The following ELMO1 variants were observed in gnomAD, a reference collection of about 807,000 sequenced individuals.
ELMO1 encodes the protein engulfment and cell motility protein 1.
In ELMO1, 26 loss-of-function variants were observed where a neutral mutation model predicts 98.9. The observed-to-expected ratio is 0.26, with a 90% CI of 0.19 to 0.36. The LOEUF (loss-of-function observed/expected upper bound fraction) is 0.36. Among genes scored for constraint, ELMO1 ranks in the 10% least tolerant of loss-of-function variants. The pLI, the probability that ELMO1 is intolerant of heterozygous loss-of-function variation, is 1.00. For synonymous variants in ELMO1, 346 were observed against 346.0 expected, an observed-to-expected ratio of 1.00 and a Z score of 0.00; for missense variants, 627 against 935.2, an observed-to-expected ratio of 0.67 and a Z score of 4.30.
In ELMO1 at chr7:37,086,888, T is replaced by C. The variant is rs1487915979; in HGVS notation, c.1300+9731A>G. Among the ~76,000 whole-genome samples, 5 of 146,194 alleles carry C rather than the reference T, an allele frequency of 3.4e-5. No individual in the cohort carries two copies. In the Admixed American group the frequency reaches 3.4e-4, roughly 10 times the overall value. On this transcript the variant is annotated intron_variant, in intron 15 of 21. Transcript: ENST00000310758. Reference sequence around the variant, plus strand: ...AAGTTTCCATCCTAATTCCCAGTGATACTTTGGAATGTGATATGAGCCTGT... The same window carrying C: ...AAGTTTCCATCCTAATTCCCAGTGACACTTTGGAATGTGATATGAGCCTGT...
intron 7 of ELMO1, among the ~76,000 whole-genome samples, chr7:37,242,231 A>C (rs1794798222): frequency 6.6e-6 from 1 of 152,168 alleles, no homozygotes; most frequent in African/African-American, 2.4e-5. Context: ...TTCTTCTGAC[A>C]TCTTCAACCT....
intron 8 of ELMO1, among the ~76,000 whole-genome samples, chr7:37,230,725 A>G (rs1794126788): frequency 6.6e-6 from 1 of 152,226 alleles, no homozygotes; most frequent in Admixed American, 6.5e-5. Flanking sequence ...GGTAGAAAAG[A>G]AAGCCTGCTG....
chr7:37,016,739 T>A (rs778867197), intron 15 of ELMO1, among the ~76,000 whole-genome samples: 1 of 152,186 alleles, frequency 6.6e-6, no homozygotes, highest in Non-Finnish European at 1.5e-5. Context: ...TAGTCACTTA[T>A]TATGTCAGGC....
intron 14 of ELMO1, among the ~76,000 whole-genome samples, chr7:37,128,828 G>C (rs976944513): frequency 7.9e-5 from 12 of 152,128 alleles, no homozygotes; most frequent in Admixed American, 6.5e-4. Context: ...CCAGGGGCTA[G>C]AATATAAATG....
At chr7:37,448,379 C>T (rs1805744950) in intron 1 of ELMO1, among the ~76,000 whole-genome samples, 1 of 151,466 alleles carries the variant, frequency 6.6e-6, no homozygotes. Context: ...CATCCGCGGG[C>T]GCCGCACCTC....
chr7:36,896,278 T>C (rs1199526740), intron 16 of ELMO1, among the ~76,000 whole-genome samples: 3 of 152,166 alleles, frequency 2.0e-5, no homozygotes, highest in African/African-American at 2.4e-5. Flanking sequence ...AAGTCACATA[T>C]ATGTAGTTGA....
At chr7:37,137,983 T>G (rs1159955932) in intron 13 of ELMO1, among the ~76,000 whole-genome samples, 1 of 152,150 alleles carries the variant, frequency 6.6e-6, no homozygotes, top group Non-Finnish European at 1.5e-5. Context: ...GAATGATCAC[T>G]GGGTCAACAG....
intron 15 of ELMO1, among the ~76,000 whole-genome samples, chr7:37,049,720 A>G (rs1458822302): frequency 6.6e-6 from 1 of 151,776 alleles, no homozygotes; most frequent in Non-Finnish European, 1.5e-5. Flanking sequence ...CAGGTGTTTG[A>G]GAGCTGTAAA....
rs1805912402 is a variant in ELMO1, at chr7:36,895,427, TA to T, written c.1438-411del. On this transcript the variant is annotated intron_variant, in intron 16 of 21. Coordinates refer to ENST00000310758, the MANE Select transcript of ELMO1 (RefSeq NM_014800.11). The stretch of plus-strand genomic sequence containing the variant: ...CAGGAGAAAATCGCTGAGATACAAT[TA>T]ACTGTGGAAGTTTGGCTGGAGCTGG... Among the ~76,000 whole-genome samples the T allele has an allele frequency of 2.0e-5, 3 of 152,308 alleles. No individual in the cohort carries two copies. In the South Asian group the frequency reaches 6.2e-4, roughly 32 times the overall value.
intron 20 of ELMO1, among the ~76,000 whole-genome samples, chr7:36,868,697 T>C (rs963235164): frequency 6.6e-6 from 1 of 152,188 alleles, no homozygotes; most frequent in Non-Finnish European, 1.5e-5. Flanking sequence ...GCTCTTTATA[T>C]GTTGGGGCTG....
chr7:37,076,907 G>A (rs1396923669), intron 15 of ELMO1, among the ~76,000 whole-genome samples: 1 of 152,224 alleles, frequency 6.6e-6, no homozygotes, highest in Non-Finnish European at 1.5e-5. Flanking sequence ...CTGCGGCTAA[G>A]AGCCTTCCCA....
At chr7:36,941,570 C>T (rs1227791122) in intron 16 of ELMO1, among the ~76,000 whole-genome samples, 1 of 152,184 alleles carries the variant, frequency 6.6e-6, no homozygotes, top group Admixed American at 6.5e-5. Flanking sequence ...TCATGTGAGG[C>T]CTTTTATCTC....
At chr7:37,290,659 G>A (rs1356075976) in intron 4 of ELMO1, among the ~76,000 whole-genome samples, 1 of 152,162 alleles carries the variant, frequency 6.6e-6, no homozygotes. Flanking sequence ...TATTGAAAAT[G>A]TTAAAGAATA....
intron 1 of ELMO1, among the ~76,000 whole-genome samples, chr7:37,443,682 T>C (rs992949637): frequency 1.3e-5 from 2 of 152,236 alleles, no homozygotes; most frequent in Non-Finnish European, 2.9e-5. Context: ...CTGGCTAATA[T>C]AGATAAGTTC....
intron 16 of ELMO1, among the ~76,000 whole-genome samples, chr7:36,983,318 A>G (rs574219278): frequency 6.6e-6 from 1 of 152,342 alleles, no homozygotes; most frequent in Admixed American, 6.5e-5. Context: ...CAAACTTCCC[A>G]AATGGCGTTA....
intron 15 of ELMO1, among the ~76,000 whole-genome samples, chr7:37,041,029 G>A (rs1309475399): frequency 2.6e-5 from 4 of 152,106 alleles, no homozygotes; most frequent in Non-Finnish European, 5.9e-5. Flanking sequence ...GCGGTGAGCC[G>A]AGATCATGCC....
intron 1 of ELMO1, among the ~76,000 whole-genome samples, chr7:37,435,851 T>G (rs1425914155): frequency 6.6e-6 from 1 of 152,210 alleles, no homozygotes; most frequent in African/African-American, 2.4e-5. Context: ...GCTGGGATAA[T>G]GGTTTGCTGC....
At chr7:37,198,195 C>T (rs559695395) in intron 13 of ELMO1, among the ~76,000 whole-genome samples, 7 of 152,286 alleles carry the variant, frequency 4.6e-5, no homozygotes, top group East Asian at 1.9e-4. Context: ...AGCACTCTTA[C>T]GAAATTCTCT....
intron 14 of ELMO1, among the ~76,000 whole-genome samples, chr7:37,123,205 C>G (rs149639511): frequency 0.019 from 2,892 of 152,234 alleles, 43 homozygotes; most frequent in Non-Finnish European, 0.03. Flanking sequence ...AATTGACACC[C>G]TAACTTCACA....
Sources: gnomAD v4.1 joint callset for allele counts (sites outside exome capture counted in the v4.1 genomes callset) on GRCh38, gnomAD v4.1.1 for gene constraint, MANE v1.5 for transcripts, NCBI Gene and HGNC (gene_info 2026-07-23, HGNC 2026-07-21) for gene names.